Variants in RBFOX1 observed in about 807,000 individuals in gnomAD.
RBFOX1 encodes the protein RNA binding fox-1 homolog 1.
In RBFOX1, 8 loss-of-function variants were observed where a neutral mutation model predicts 57.7. The observed-to-expected ratio is 0.14, with a 90% CI of 0.08 to 0.25. The LOEUF (loss-of-function observed/expected upper bound fraction) is 0.25. Among genes scored for constraint, RBFOX1 ranks in the 10% least tolerant of loss-of-function variants. RBFOX1 has a pLI of 1.00. For missense variants in RBFOX1, 611 were observed against 548.5 expected, an observed-to-expected ratio of 1.11 and a Z score of -1.14; for synonymous variants, 326 against 222.4, an observed-to-expected ratio of 1.47 and a Z score of -4.15.
At chr16:6,496,588 A>G (rs1207879290) in intron 2 of RBFOX1, among the ~76,000 whole-genome samples, 3 of 152,178 alleles carry the variant, frequency 2.0e-5, no homozygotes, top group African/African-American at 7.2e-5. Flanking sequence ...CCCTCGTCGA[A>G]CTGGGCTCAG....
chr16:5,473,646 G>A (rs184155578), intron 2 of RBFOX1, among the ~76,000 whole-genome samples: 5 of 139,662 alleles, frequency 3.6e-5, no homozygotes, highest in African/African-American at 1.3e-4. Context: ...AGGGTGGGTG[G>A]GTGGATGGAC....
intron 2 of RBFOX1, among the ~76,000 whole-genome samples, chr16:6,649,170 T>G (rs1179934444): frequency 6.6e-6 from 1 of 152,154 alleles, no homozygotes; most frequent in Non-Finnish European, 1.5e-5. Context: ...TTTAGTATAT[T>G]TTTTGTATTT....
At chr16:5,682,997 C>A (rs2050390737) in intron 3 of RBFOX1, among the ~76,000 whole-genome samples, 2 of 152,134 alleles carry the variant, frequency 1.3e-5, no homozygotes, top group Admixed American at 6.5e-5. Context: ...CCTCTCTGAA[C>A]CTTTGTTCAT....
chr16:7,294,254 C>A (rs1049279288), intron 4 of RBFOX1, among the ~76,000 whole-genome samples: 16 of 152,086 alleles, frequency 1.1e-4, no homozygotes, highest in Admixed American at 3.3e-4. Flanking sequence ...CACGCACTTA[C>A]ATTCAGTCCT....
intron 3 of RBFOX1, among the ~76,000 whole-genome samples, chr16:6,790,888 T>C (rs567955886): frequency 6.6e-6 from 1 of 152,176 alleles, no homozygotes; most frequent in South Asian, 2.1e-4. Flanking sequence ...ATGGTATTTG[T>C]GTGGTTTATT....
At chr16:6,943,061 C>G (rs74537113) in intron 3 of RBFOX1, among the ~76,000 whole-genome samples, 1 of 152,152 alleles carries the variant, frequency 6.6e-6, no homozygotes, top group African/African-American at 2.4e-5. Flanking sequence ...AATGCCTTTA[C>G]GTTAGATGCT....
At chr16:7,010,872 C>T (rs944256512) in intron 3 of RBFOX1, among the ~76,000 whole-genome samples, 7 of 152,148 alleles carry the variant, frequency 4.6e-5, no homozygotes, top group South Asian at 2.1e-4. Context: ...CCACTGCTCC[C>T]GGCCCACATC....
intron 4 of RBFOX1, among the ~76,000 whole-genome samples, chr16:7,228,759 A>G (rs568398610): frequency 2.0e-5 from 3 of 152,354 alleles, no homozygotes; most frequent in East Asian, 3.9e-4. Flanking sequence ...GGTTAAGTGA[A>G]TTTGACCAAG....
chr16:6,222,991 A>C (rs928832747), intron 1 of RBFOX1, among the ~76,000 whole-genome samples: 3 of 150,236 alleles, frequency 2.0e-5, no homozygotes, highest in African/African-American at 7.3e-5. Context: ...GAGAATGATG[A>C]TTTCCAATTT....
At chr16:6,342,350 A>T (rs4614728) in intron 2 of RBFOX1, among the ~76,000 whole-genome samples, 11,577 of 152,266 alleles carry the variant, frequency 0.076, 602 homozygotes, top group Middle Eastern at 0.17. Flanking sequence ...CATGAATTAG[A>T]GATAGATTAA....
intron 3 of RBFOX1, among the ~76,000 whole-genome samples, chr16:5,811,417 A>G (rs1208957708): frequency 6.6e-6 from 1 of 151,018 alleles, no homozygotes; most frequent in Non-Finnish European, 1.5e-5. Context: ...TGCTGGGATT[A>G]CAGGTGTGAG....
rs189355938 is a variant in RBFOX1 at position 6,503,908 on chromosome 16, G to A, written c.-63-150695G>A. Among the ~76,000 whole-genome samples, 27 of 152,286 alleles carry A rather than the reference G, an allele frequency of 1.8e-4. No homozygotes were observed. In the South Asian group the frequency reaches 2.7e-3, roughly 15 times the overall value. On this transcript the variant is annotated intron_variant, in intron 2 of 15. Coordinates refer to ENST00000550418, the MANE Select transcript of RBFOX1 (RefSeq NM_018723.4). ...TGCACTGAAGGGAATAATGCTCTAC[G>A]AGGAGGATGTTCCTTAAGCCGGACC... is the stretch of plus-strand genomic sequence containing the variant.
At chr16:6,150,091 T>G (rs879310506) in intron 1 of RBFOX1, among the ~76,000 whole-genome samples, 7 of 152,180 alleles carry the variant, frequency 4.6e-5, no homozygotes, top group African/African-American at 7.2e-5. Context: ...TGGTAGATGA[T>G]GAAAAATCAT....
At chr16:5,429,306 C>T (rs1306527005) in intron 1 of RBFOX1, among the ~76,000 whole-genome samples, 8 of 152,132 alleles carry the variant, frequency 5.3e-5, no homozygotes, top group East Asian at 1.9e-4. Context: ...CAGGCCTTTG[C>T]GGTTTGGGTT....
At chr16:6,086,146 C>G (rs12923622) in intron 1 of RBFOX1, among the ~76,000 whole-genome samples, 61,360 of 151,916 alleles carry the variant, frequency 0.4, 14,005 homozygotes, top group Non-Finnish European at 0.54. Flanking sequence ...TTGCAAAGGA[C>G]GTGATTTCAT....
intron 3 of RBFOX1, among the ~76,000 whole-genome samples, chr16:6,959,047 A>C (rs890067314): frequency 6.6e-6 from 1 of 152,204 alleles, no homozygotes; most frequent in Non-Finnish European, 1.5e-5. Context: ...ATAAAACTTC[A>C]CCATCTAAGT....
At chr16:6,838,123 C>G (rs956008998) in intron 3 of RBFOX1, among the ~76,000 whole-genome samples, 4 of 151,816 alleles carry the variant, frequency 2.6e-5, no homozygotes, top group Admixed American at 2.0e-4. Flanking sequence ...AACCTGTTGT[C>G]TAGGTTTAAA....
intron 3 of RBFOX1, among the ~76,000 whole-genome samples, chr16:6,796,043 C>T (rs1054350315): frequency 1.1e-4 from 16 of 150,398 alleles, no homozygotes; most frequent in African/African-American, 4.0e-4. Context: ...AAAGACATAC[C>T]TGAGATTGGG....
chr16:6,447,890 G>C (rs1567296301), intron 2 of RBFOX1, among the ~76,000 whole-genome samples: 1 of 152,108 alleles, frequency 6.6e-6, no homozygotes. Flanking sequence ...GTTAGGACTT[G>C]TTCAAGGGAG....
Sources: allele counts gnomAD v4.1 joint callset (sites outside exome capture counted in the v4.1 genomes callset), GRCh38; gene constraint gnomAD v4.1.1; transcripts MANE v1.5; gene names NCBI Gene and HGNC (gene_info 2026-07-23, HGNC 2026-07-21).